CDK14: variants seen among roughly 807,000 people sequenced by gnomAD.
CDK14 encodes cyclin-dependent kinase 14.
Under a neutral mutation model 60.7 loss-of-function variants are expected in CDK14, and 34 were observed. That is an observed-to-expected ratio of 0.56 (90% CI 0.43 to 0.75). The LOEUF (loss-of-function observed/expected upper bound fraction) is 0.75. Among genes scored for constraint, CDK14 ranks in the 30% least tolerant of loss-of-function variants. CDK14 has a pLI of 0.00. For synonymous variants in CDK14, 197 were observed against 203.7 expected, an observed-to-expected ratio of 0.97 and a Z score of 0.28; for missense variants, 482 against 564.1, an observed-to-expected ratio of 0.85 and a Z score of 1.47.
At chr7:90,821,461 G>A (rs1460738143) in intron 5 of CDK14, among the ~76,000 whole-genome samples, 2 of 152,192 alleles carry the variant, frequency 1.3e-5, no homozygotes, top group African/African-American at 4.8e-5. Context: ...TCGTGTGGCT[G>A]TCCTTTGCTC....
At chr7:91,149,180 G>C (rs968004928) in intron 14 of CDK14, among the ~76,000 whole-genome samples, 2 of 151,970 alleles carry the variant, frequency 1.3e-5, no homozygotes, top group African/African-American at 4.8e-5. Context: ...ATGTTATTTA[G>C]GTGGGAAGAA....
At chr7:90,957,582 T>C (rs1166872082) in intron 9 of CDK14, among the ~76,000 whole-genome samples, 2 of 151,982 alleles carry the variant, frequency 1.3e-5, no homozygotes, top group African/African-American at 4.8e-5. Flanking sequence ...AGCCAAATCA[T>C]GAGTGAACTC....
chr7:90,957,247 C>A (rs1351923176), intron 9 of CDK14, among the ~76,000 whole-genome samples: 1 of 151,968 alleles, frequency 6.6e-6, no homozygotes, highest in Non-Finnish European at 1.5e-5. Context: ...TAAAAGTGTT[C>A]CTATTTCTCC....
intron 5 of CDK14, among the ~76,000 whole-genome samples, chr7:90,812,170 A>G (rs762953869): frequency 2.0e-5 from 3 of 152,258 alleles, no homozygotes; most frequent in South Asian, 4.1e-4. Flanking sequence ...ATGCCCATGT[A>G]TGTTTATTGT....
intron 11 of CDK14, among the ~76,000 whole-genome samples, chr7:91,066,146 A>T (rs532899513): frequency 1.3e-5 from 2 of 152,334 alleles, no homozygotes; most frequent in East Asian, 3.9e-4. Context: ...AATTGTGAGT[A>T]ACTGAATATA....
chr7:90,981,596 A>G (rs1345826558), intron 9 of CDK14, among the ~76,000 whole-genome samples: 1 of 152,230 alleles, frequency 6.6e-6, no homozygotes, highest in Non-Finnish European at 1.5e-5. Flanking sequence ...TTAGAGAAGT[A>G]GGTCACTTGG....
chr7:91,177,591 T>G (rs1801817949), intron 14 of CDK14, among the ~76,000 whole-genome samples: 1 of 152,138 alleles, frequency 6.6e-6, no homozygotes, highest in African/African-American at 2.4e-5. Flanking sequence ...CTCCTTAAGC[T>G]GATAAGCAAC....
At chr7:90,696,812 G>A (rs183723831) in intron 2 of CDK14, among the ~76,000 whole-genome samples, 120 of 152,292 alleles carry the variant, frequency 7.9e-4, no homozygotes, top group Admixed American at 2.8e-3. Context: ...GTCTTTATAG[G>A]TTGGGAAGGG....
At chr7:90,860,326 G>A (rs1055191278) in intron 5 of CDK14, among the ~76,000 whole-genome samples, 1 of 151,494 alleles carries the variant, frequency 6.6e-6, no homozygotes. Flanking sequence ...ATAATATTTT[G>A]TAAATATATT....
At chr7:90,834,931 A>G (rs1790039978) in intron 5 of CDK14, among the ~76,000 whole-genome samples, 1 of 152,184 alleles carries the variant, frequency 6.6e-6, no homozygotes, top group Non-Finnish European at 1.5e-5. Flanking sequence ...CTAGAGATTT[A>G]TCAGTGAACA....
intron 2 of CDK14, among the ~76,000 whole-genome samples, chr7:90,637,734 G>A (rs1481522944): frequency 1.5e-5 from 2 of 133,222 alleles, no homozygotes; most frequent in African/African-American, 5.9e-5. Context: ...TGACAGTGGG[G>A]TGTTAAAGTC....
At chr7:90,744,503 C>A (rs1338164610) in intron 3 of CDK14, among the ~76,000 whole-genome samples, 1 of 152,266 alleles carries the variant, frequency 6.6e-6, no homozygotes. Context: ...GTCATCATGG[C>A]CCGTTCTCAA....
At chr7:90,880,480 G>A (rs933214849) in intron 6 of CDK14, among the ~76,000 whole-genome samples, 3 of 152,094 alleles carry the variant, frequency 2.0e-5, no homozygotes, top group Admixed American at 6.5e-5. Context: ...CAGTCTCTGC[G>A]GACCAGCAGA....
chr7:90,839,945 T>C (rs1001805141), intron 5 of CDK14, among the ~76,000 whole-genome samples: 2 of 152,170 alleles, frequency 1.3e-5, no homozygotes, highest in Non-Finnish European at 2.9e-5. Context: ...AGCCAACATA[T>C]ACTGCATGCC....
intron 6 of CDK14, among the ~76,000 whole-genome samples, chr7:90,875,053 T>A (rs1791513058): frequency 6.6e-6 from 1 of 152,166 alleles, no homozygotes; most frequent in Non-Finnish European, 1.5e-5. Flanking sequence ...GAACCACCGA[T>A]CTACTGTATG....
At chr7:91,060,508 C>G (rs1797747391) in intron 11 of CDK14, among the ~76,000 whole-genome samples, 1 of 152,152 alleles carries the variant, frequency 6.6e-6, no homozygotes, top group South Asian at 2.1e-4. Flanking sequence ...ATGGTCTTTA[C>G]AATTTGGCAT....
chr7:90,965,068 T>C (rs1308960205), intron 9 of CDK14, among the ~76,000 whole-genome samples: 3 of 152,210 alleles, frequency 2.0e-5, no homozygotes, highest in Admixed American at 6.5e-5. Context: ...TCCTCAGCCA[T>C]GTTCTTGAAA....
At chr7:90,950,830 GGAGTCATTC>G (rs1359875498) in intron 8 of CDK14, among the ~76,000 whole-genome samples, 1 of 152,128 alleles carries the variant, frequency 6.6e-6, no homozygotes, top group Non-Finnish European at 1.5e-5. Flanking sequence ...GGGAGTAAAT[GGAGTCATTC>G]AGGGAAACCT....
At chr7:90,690,166 C>G (rs962210570) in intron 2 of CDK14, among the ~76,000 whole-genome samples, 3 of 152,136 alleles carry the variant, frequency 2.0e-5, no homozygotes, top group African/African-American at 7.2e-5. Context: ...TGAGGGTTCA[C>G]TTCTTTAGAC....
Sources: allele counts gnomAD v4.1 joint callset (sites outside exome capture counted in the v4.1 genomes callset), GRCh38; gene constraint gnomAD v4.1.1; transcripts MANE v1.5; gene names NCBI Gene and HGNC (gene_info 2026-07-23, HGNC 2026-07-21).